The following SERPINC1 variants were observed in gnomAD, a reference collection of about 807,000 sequenced individuals.
SERPINC1 encodes serpin family C member 1.
SERPINC1 carries 12 observed loss-of-function variants against 43.4 expected under a neutral mutation model. The ratio of observed to expected loss-of-function variants is 0.28; its 90% CI spans 0.18 to 0.45. The LOEUF (loss-of-function observed/expected upper bound fraction) is 0.45. Ranked by LOEUF, SERPINC1 falls within the 20% of genes least tolerant of loss-of-function variation. SERPINC1 has a pLI of 1.00. For synonymous variants in SERPINC1, 210 were observed against 218.9 expected, an observed-to-expected ratio of 0.96 and a Z score of 0.36; for missense variants, 423 against 578.8, an observed-to-expected ratio of 0.73 and a Z score of 2.76.
At chr1:173,913,592 T>C (rs2227601) in intron 2 of SERPINC1, among the ~76,000 whole-genome samples, 39,883 of 152,010 alleles carry the variant, frequency 0.26, 8,596 homozygotes, top group African/African-American at 0.59. Flanking sequence ...CGCGGTGGCT[T>C]ACGCCTGTAA....
intron 4 of SERPINC1, among the ~76,000 whole-genome samples, chr1:173,910,345 G>A (rs1356910431): frequency 2.6e-5 from 4 of 152,132 alleles, no homozygotes; most frequent in Non-Finnish European, 4.4e-5. Context: ...TTGGGAGGCC[G>A]AGGTGGGCAG....
At chr1:173,915,225 A>G in intron 1 of SERPINC1, 1 of 1,264,504 alleles carries the variant, frequency 7.9e-7, no homozygotes, top group South Asian at 1.7e-5. Context: ...TGTTTGTGAC[A>G]TGGAATGTGC....
intron 5 of SERPINC1, among the ~76,000 whole-genome samples, chr1:173,909,336 TG>T (rs1268725527): frequency 6.6e-6 from 1 of 152,198 alleles, no homozygotes; most frequent in African/African-American, 2.4e-5. Flanking sequence ...CAGTGCTAGC[TG>T]GGCCCATGGA....
intron 6 of SERPINC1, among the ~76,000 whole-genome samples, chr1:173,906,943 C>T (rs1657541555): frequency 6.6e-6 from 1 of 152,098 alleles, no homozygotes; most frequent in Non-Finnish European, 1.5e-5. Flanking sequence ...CATGGAGAAA[C>T]CCTGTTTCTA....
intron 1 of SERPINC1, among the ~76,000 whole-genome samples, 162 bp downstream of exon 1, chr1:173,917,057 G>A (rs944537365): frequency 3.9e-5 from 6 of 152,148 alleles, no homozygotes; most frequent in Non-Finnish European, 5.9e-5. Flanking sequence ...GGTGGGGTGG[G>A]AGGGAGAGCA....
chr1:173,916,008 G>GC (rs1657973434), intron 1 of SERPINC1, among the ~76,000 whole-genome samples: 1 of 151,804 alleles, frequency 6.6e-6, no homozygotes. Flanking sequence ...AATCAGTTCT[G>GC]TTTTTTTACT....
chr1:173,917,079 G>A (rs1342062769), intron 1 of SERPINC1, 140 bp downstream of exon 1: 8 of 762,692 alleles, frequency 1.0e-5, no homozygotes, highest in Admixed American at 4.1e-5. Flanking sequence ...TTGAAATGAC[G>A]TCTTCCAAAC....
chr1:173,904,523 G>A (rs1657405627), intron 6 of SERPINC1, among the ~76,000 whole-genome samples: 1 of 152,156 alleles, frequency 6.6e-6, no homozygotes, highest in South Asian at 2.1e-4. Flanking sequence ...TATGAAAAGA[G>A]GTGGGTTCTC....
intron 5 of SERPINC1, 30 bp downstream of exon 5, chr1:173,909,522 A>G (rs1344873951): frequency 1.4e-5 from 23 of 1,611,266 alleles, no homozygotes; most frequent in Non-Finnish European, 1.9e-5. Context: ...TTGCGGGTGG[A>G]GAAGGGAGGA....
chr1:173,913,462 C>T (rs997980511), intron 2 of SERPINC1, among the ~76,000 whole-genome samples: 2 of 152,186 alleles, frequency 1.3e-5, no homozygotes, highest in Non-Finnish European at 2.9e-5. Context: ...TCTTGGCTTT[C>T]CTGGGCCCCT....
Position 173,914,831 on chromosome 1 carries a change from G to C in SERPINC1, c.130C>G (p.Pro44Ala). 1 of 1,614,234 alleles carries C rather than the reference G, an allele frequency of 6.2e-7. No homozygotes were observed. The highest frequency in any genetic ancestry group is 8.5e-7 in the Non-Finnish European group (1 of 1,180,032). Residue 44 changes from proline to alanine, a missense_variant, in exon 2 of 7, where the codon CCG (proline) becomes GCG (alanine). Coordinates refer to ENST00000367698, the MANE Select transcript of SERPINC1 (RefSeq NM_000488.4). The part of the protein sequence containing the change: ...GSPVDICTAK[P>A]RDIPMNPMCI... ...ATGGGATTCATGGGAATGTCCCGCG[G>C]CTTGGCTGTGCAGATGTCCACAGGG...
intron 1 of SERPINC1, among the ~76,000 whole-genome samples, chr1:173,916,681 T>C (rs1658005053): frequency 6.6e-6 from 1 of 152,188 alleles, no homozygotes; most frequent in South Asian, 2.1e-4. Context: ...ACCACCCCGT[T>C]TCTAGCCTCC....
At chr1:173,917,080 T>C (rs1658023372) in intron 1 of SERPINC1, 139 bp downstream of exon 1, 2 of 766,682 alleles carry the variant, frequency 2.6e-6, no homozygotes, top group South Asian at 3.0e-5. Context: ...TGAAATGACG[T>C]CTTCCAAACA....
At chr1:173,906,251 T>C (rs1657505093) in intron 6 of SERPINC1, among the ~76,000 whole-genome samples, 1 of 152,246 alleles carries the variant, frequency 6.6e-6, no homozygotes, top group Admixed American at 6.5e-5. Flanking sequence ...CTACTGCTGT[T>C]GGTCCATAGT....
At chr1:173,914,073 A>G (rs1657885422) in intron 2 of SERPINC1, among the ~76,000 whole-genome samples, 1 of 126,504 alleles carries the variant, frequency 7.9e-6, no homozygotes, top group South Asian at 2.3e-4. Context: ...GCGAGATTCC[A>G]TCTCAAAAAA....
At position 173,915,039 on chromosome 1, in the gene SERPINC1, C is replaced by CT. The variant is rs2102790530; in HGVS notation, c.42-121dup. 2.6e-6 allele frequency: 4 copies of CT among 1,534,102 alleles called. No homozygotes were observed. In the East Asian group the frequency reaches 9.8e-5, roughly 37 times the overall value. ...CCACCTGGTGTGGCCAAGAGAAAGG[C>CT]TAAATCCTTTGAACCAAGTACAGGG... On this transcript the variant is annotated intron_variant, in intron 1 of 6. Coordinates refer to ENST00000367698, the MANE Select transcript of SERPINC1 (RefSeq NM_000488.4).
intron 3 of SERPINC1, among the ~76,000 whole-genome samples, chr1:173,911,364 C>A (rs1356766680): frequency 6.6e-6 from 1 of 152,166 alleles, no homozygotes; most frequent in Non-Finnish European, 1.5e-5. Flanking sequence ...TTGAATAAAG[C>A]CAACAGATTT....
rs1336444125 is a variant in SERPINC1 at position 173,903,869 on chromosome 1, G to T, written c.*20C>A. The T allele has an allele frequency of 3.1e-6, 5 of 1,610,332 alleles. No homozygotes were observed. The African/African-American group carries it at 5.3e-5, about 17-fold the overall frequency. On this transcript the variant is annotated 3_prime_UTR_variant, in exon 7 of 7. Transcript: ENST00000367698. ...GTTCACAAACCAAAAATAGGAAGAG[G>T]TGCAAAGAATAAGAACATTTTACTT...
chr1:173,904,190 T>G, intron 6 of SERPINC1, 125 bp from the exon 7 acceptor site: 1 of 872,242 alleles, frequency 1.1e-6, no homozygotes, highest in South Asian at 1.4e-5. Flanking sequence ...TACATTTGGG[T>G]CAGGTTGGAT....
Sources: allele counts gnomAD v4.1 joint callset (sites outside exome capture counted in the v4.1 genomes callset), GRCh38; gene constraint gnomAD v4.1.1; transcripts MANE v1.5; gene names NCBI Gene and HGNC (gene_info 2026-07-23, HGNC 2026-07-21).